Variants in UBE2F observed in about 807,000 individuals in gnomAD.
UBE2F encodes NEDD8-conjugating enzyme UBE2F.
Under a neutral mutation model 29.6 loss-of-function variants are expected in UBE2F, and 5 were observed. That is an observed-to-expected ratio of 0.17 (90% CI 0.09 to 0.36). The LOEUF is 0.36. Ranked by LOEUF, UBE2F falls within the 10% of genes least tolerant of loss-of-function variation. UBE2F has a pLI of 1.00. For synonymous variants in UBE2F, 66 were observed against 81.8 expected, an observed-to-expected ratio of 0.81 and a Z score of 1.04; for missense variants, 141 against 228.5, an observed-to-expected ratio of 0.62 and a Z score of 2.47.
At chr2:238,006,393 C>G (rs991957600) in intron 4 of UBE2F, among the ~76,000 whole-genome samples, 1 of 152,224 alleles carries the variant, frequency 6.6e-6, no homozygotes. Context: ...GGAGGGGACA[C>G]ACGTCCAAAC....
At chr2:237,973,069 C>T (rs1418442815) in intron 1 of UBE2F, 23 bp from the exon 2 acceptor site, 2 of 1,591,458 alleles carry the variant, frequency 1.3e-6, no homozygotes, top group East Asian at 2.3e-5. Context: ...GTCCTTAACC[C>T]TGCTTTCATT....
rs183101735 is a variant in UBE2F, at chr2:237,995,289, A to G, written c.214+480A>G. Among the ~76,000 whole-genome samples the G allele has an allele frequency of 1.2e-4, 19 of 152,366 alleles. No homozygotes were observed. In the East Asian group the frequency reaches 3.7e-3, roughly 29 times the overall value. ...CAGGGTCTGGCACACAGAAGCAGAC[A>G]GAAGATTACCAGCTGTCCTCAGTAA... On this transcript the variant is annotated intron_variant, in intron 4 of 9. Coordinates refer to ENST00000272930, the MANE Select transcript of UBE2F (RefSeq NM_080678.3).
intron 2 of UBE2F, among the ~76,000 whole-genome samples, chr2:237,979,229 A>C (rs900393572): frequency 6.6e-6 from 1 of 152,156 alleles, no homozygotes; most frequent in South Asian, 2.1e-4. Context: ...GGTGGTTTCT[A>C]ACCTTCTCTT....
chr2:238,001,782 T>C (rs2063798864), intron 4 of UBE2F, among the ~76,000 whole-genome samples: 1 of 151,942 alleles, frequency 6.6e-6, no homozygotes, highest in Admixed American at 6.6e-5. Flanking sequence ...ATTGCGCCAC[T>C]GCACTCCAGC....
At chr2:237,977,311 A>G (rs1042916820) in intron 2 of UBE2F, among the ~76,000 whole-genome samples, 1 of 152,228 alleles carries the variant, frequency 6.6e-6, no homozygotes, top group Non-Finnish European at 1.5e-5. Flanking sequence ...GGTAGCGATT[A>G]AGTTTCAGAG....
At chr2:237,990,403 CTTTT>C in intron 3 of UBE2F, 16 of 422,744 alleles carry the variant, frequency 3.8e-5, no homozygotes, top group East Asian at 7.6e-5. Context: ...ACATGTAAAC[CTTTT>C]TTTTTTTTTT....
At chr2:237,992,754 T>A (rs754342512) in intron 3 of UBE2F, among the ~76,000 whole-genome samples, 3 of 152,242 alleles carry the variant, frequency 2.0e-5, no homozygotes, top group Non-Finnish European at 4.4e-5. Flanking sequence ...CTTCTACTTA[T>A]GTCTCCTAAT....
At chr2:238,038,108 G>A (rs757173905) in intron 9 of UBE2F, among the ~76,000 whole-genome samples, 1 of 152,192 alleles carries the variant, frequency 6.6e-6, no homozygotes, top group Non-Finnish European at 1.5e-5. Flanking sequence ...GAGCACCTCC[G>A]ACAGGGAGGC....
intron 4 of UBE2F, among the ~76,000 whole-genome samples, chr2:237,995,063 T>C (rs1020254663): frequency 6.6e-6 from 1 of 152,224 alleles, no homozygotes; most frequent in African/African-American, 2.4e-5. Flanking sequence ...CTGAGGCAGT[T>C]GGTGTATAGT....
chr2:238,003,421 C>G (rs1449442410), intron 4 of UBE2F: 1 of 470,748 alleles, frequency 2.1e-6, no homozygotes, highest in East Asian at 6.9e-5. Flanking sequence ...GTAGGCCACC[C>G]CATCATCTGA....
At chr2:237,994,670 T>C in intron 3 of UBE2F, 74 bp from the exon 4 acceptor site, 1 of 1,203,974 alleles carries the variant, frequency 8.3e-7, no homozygotes, top group Non-Finnish European at 1.2e-6. Flanking sequence ...ACTTTACACG[T>C]GTTCAAAGGT....
intron 6 of UBE2F, among the ~76,000 whole-genome samples, chr2:238,027,176 G>T (rs981545917): frequency 6.6e-6 from 1 of 152,136 alleles, no homozygotes; most frequent in African/African-American, 2.4e-5. Context: ...AAAGCCAGAC[G>T]TCTTAAGGAA....
At chr2:238,030,636 G>T in intron 7 of UBE2F, 23 bp downstream of exon 7, 2 of 1,600,848 alleles carry the variant, frequency 1.2e-6, no homozygotes, top group South Asian at 1.1e-5. Context: ...CCTTGATCTT[G>T]ATCATAAGTT....
intron 2 of UBE2F, chr2:237,973,616 T>C (rs777929321): frequency 8.1e-7 from 1 of 1,237,134 alleles, no homozygotes; most frequent in South Asian, 1.3e-5. Context: ...TCAAATTTTG[T>C]AATCTCTTAG....
intron 5 of UBE2F, among the ~76,000 whole-genome samples, chr2:238,019,336 G>A (rs1318410133): frequency 1.3e-5 from 2 of 152,186 alleles, no homozygotes; most frequent in South Asian, 2.1e-4. Flanking sequence ...CCCTGCTTCT[G>A]TAGGGTCCTT....
chr2:238,016,274 G>A (rs905591585), intron 4 of UBE2F, among the ~76,000 whole-genome samples: 2 of 152,192 alleles, frequency 1.3e-5, no homozygotes, highest in Non-Finnish European at 2.9e-5. Context: ...TAGGATGCAA[G>A]GAGGCCAGGC....
rs1393428282 is a variant in UBE2F, at chr2:238,040,982, C to G, written c.508-306C>G. The stretch of plus-strand genomic sequence containing the variant: ...TCTTGGCTTTGTGACCTCGACCACA[C>G]TTTTCTGGGCTCCACTTTCCCCATC... On this transcript the variant is annotated intron_variant, in intron 9 of 9. Transcript: ENST00000272930. This position sits in a 1 kb window ranked among gnomAD's most constrained non-coding sequence, Gnocchi z 4.4. 4.6e-5 allele frequency among the ~76,000 whole-genome samples: 7 copies of G among 152,156 alleles called. No homozygotes were observed.
intron 9 of UBE2F, 54 bp from the exon 10 acceptor site, chr2:238,041,234 C>A: frequency 6.4e-7 from 1 of 1,554,784 alleles, no homozygotes; most frequent in South Asian, 1.1e-5. Context: ...CTGCTTCACT[C>A]ACTCACTCAC....
In UBE2F at chr2:238,014,368, G is replaced by A. The variant is rs533357420; in HGVS notation, c.215-2198G>A. On this transcript the variant is annotated intron_variant, in intron 4 of 9. Coordinates refer to ENST00000272930, the MANE Select transcript of UBE2F (RefSeq NM_080678.3). Reference sequence around the variant, plus strand: ...TCATGAAAGAGAAAAAAATAAAACAGTCTGTTCTCACTTTTTAATGAGTTA... The same window carrying A: ...TCATGAAAGAGAAAAAAATAAAACAATCTGTTCTCACTTTTTAATGAGTTA... Among the ~76,000 whole-genome samples the A allele has an allele frequency of 3.9e-5, 6 of 152,310 alleles. No homozygotes were observed. In the South Asian group the frequency reaches 6.2e-4, roughly 16 times the overall value.
Sources: gnomAD v4.1 joint callset for allele counts (sites outside exome capture counted in the v4.1 genomes callset) on GRCh38, gnomAD v4.1.1 for gene constraint, Gnocchi (gnomAD v3.1) non-coding constraint, MANE v1.5 for transcripts, NCBI Gene and HGNC (gene_info 2026-07-23, HGNC 2026-07-21) for gene names.